Variants in SEMA6D observed in about 807,000 individuals in gnomAD.
SEMA6D encodes the protein semaphorin 6D.
Under a neutral mutation model 106.6 loss-of-function variants are expected in SEMA6D, and 35 were observed. The observed-to-expected ratio is 0.33, with a 90% CI of 0.25 to 0.44. The LOEUF is 0.44. SEMA6D is among the 20% of genes least tolerant of loss of function. SEMA6D has a pLI of 1.00. For missense variants in SEMA6D, 1,185 were observed against 1,345.9 expected (o/e 0.88, Z 1.87); for synonymous variants, 499 against 487.7 (o/e 1.02, Z -0.31).
intron 2 of SEMA6D, among the ~76,000 whole-genome samples, chr15:47,431,135 A>C (rs368857755): frequency 2.0e-5 from 3 of 152,136 alleles, no homozygotes; most frequent in African/African-American, 7.2e-5. Flanking sequence ...CATGAAAACT[A>C]TTGGGCTCAT....
At chr15:47,460,120 T>C (rs74011456) in intron 2 of SEMA6D, among the ~76,000 whole-genome samples, 4,822 of 152,134 alleles carry the variant, frequency 0.032, 164 homozygotes, top group East Asian at 0.15. Context: ...ATCCCACCAC[T>C]GTGTCTCTTC....
intron 3 of SEMA6D, among the ~76,000 whole-genome samples, chr15:47,471,122 T>C (rs2042822875): frequency 6.6e-6 from 1 of 152,132 alleles, no homozygotes; most frequent in African/African-American, 2.4e-5. Context: ...GTGGCTGCTG[T>C]TCCTCATGAA....
chr15:47,481,879 G>C (rs1386157263), intron 3 of SEMA6D, among the ~76,000 whole-genome samples: 3 of 152,160 alleles, frequency 2.0e-5, no homozygotes, highest in Non-Finnish European at 1.5e-5. Flanking sequence ...GCTGGATAGA[G>C]TGGAACTGTG....
At chr15:47,767,234 A>C in intron 17 of SEMA6D, 141 bp downstream of exon 17, 5 of 555,464 alleles carry the variant, frequency 9.0e-6, no homozygotes, top group Non-Finnish European at 9.6e-6. Flanking sequence ...TGATGGTACC[A>C]AAAGACTTTT....
intron 1 of SEMA6D, among the ~76,000 whole-genome samples, chr15:47,392,736 T>A (rs1270924998): frequency 1.3e-5 from 2 of 152,178 alleles, no homozygotes; most frequent in Admixed American, 6.5e-5. Context: ...TTTGTGATAA[T>A]TTTTTATGGC....
chr15:47,501,835 T>G (rs771258324), intron 3 of SEMA6D, among the ~76,000 whole-genome samples: 4 of 151,604 alleles, frequency 2.6e-5, no homozygotes, highest in Non-Finnish European at 4.4e-5. Context: ...TGGTACCACC[T>G]ACTGGCTGGA....
At chr15:47,500,697 T>G (rs1271557831) in intron 3 of SEMA6D, among the ~76,000 whole-genome samples, 2 of 152,286 alleles carry the variant, frequency 1.3e-5, no homozygotes, top group Non-Finnish European at 2.9e-5. Context: ...ATCCATACTT[T>G]GATAATTTGT....
At chr15:47,351,763 C>T (rs984539010) in intron 1 of SEMA6D, among the ~76,000 whole-genome samples, 1 of 152,102 alleles carries the variant, frequency 6.6e-6, no homozygotes, top group East Asian at 1.9e-4. Context: ...CAAATCAGTG[C>T]CTCACACAAA....
At chr15:47,363,648 GTGACAA>G (rs1398401858) in intron 1 of SEMA6D, among the ~76,000 whole-genome samples, 2 of 152,172 alleles carry the variant, frequency 1.3e-5, no homozygotes, top group Non-Finnish European at 2.9e-5. Context: ...CATTGTGCCA[GTGACAA>G]GGGCAAGGTA....
intron 1 of SEMA6D, among the ~76,000 whole-genome samples, chr15:47,194,127 G>GTGGATGGA (rs1894171269): frequency 6.6e-6 from 1 of 151,780 alleles, no homozygotes. Context: ...GGGTGGATGG[G>GTGGATGGA]TGGATGGATG....
Position 47,761,691 on chromosome 15 carries a change from A to G in SEMA6D, c.478A>G (p.Ile160Val), listed in dbSNP as rs544873011. 40 of 1,613,360 alleles carry G rather than the reference A, an allele frequency of 2.5e-5. No homozygotes were observed. Among genetic ancestry groups the G allele is most frequent in the African/African-American group, 5.3e-5 (4 of 74,892 alleles). ...TACCTTAGAATATGATGGGGAAGAAATTAGTGGCCTGGCAAGATGCCCATT... is the reference window on the plus strand; with the variant it reads ...TACCTTAGAATATGATGGGGAAGAAGTTAGTGGCCTGGCAAGATGCCCATT... ...LSTLEYDGEE[I>V]SGLARCPFDA... The change falls in exon 7 of 19, where the codon ATT becomes GTT. Residue 160 changes from isoleucine (I) to valine (V), a missense_variant. Physicochemically the swap from Ile to Val is conservative, Grantham distance 29. This residue lies in a region of SEMA6D where 291 missense variants were observed against 423.8 expected (regional missense o/e 0.69). Transcript: ENST00000536845.
chr15:47,272,459 TACA>T (rs966914394), intron 1 of SEMA6D: 1 of 152,186 alleles, frequency 6.6e-6, no homozygotes, highest in African/African-American at 2.4e-5. Flanking sequence ...TGCATTGTAG[TACA>T]ACACTTCTCT....
rs548118401 is a variant in SEMA6D at position 47,507,769 on chromosome 15, A to G, written c.-87+37224A>G. 5.5e-4 allele frequency among the ~76,000 whole-genome samples: 84 copies of G among 152,326 alleles called. 1 individual carries two copies. The highest frequency in any genetic ancestry group is 5.9e-5 in the Non-Finnish European group (4 of 68,024). Reference sequence around the variant, plus strand: ...ACTACCAGGCATACGTACATTTAGAATTAGACATTTAAATAAATTCAGGCC... The same window carrying G: ...ACTACCAGGCATACGTACATTTAGAGTTAGACATTTAAATAAATTCAGGCC... On this transcript the variant is annotated intron_variant, in intron 3 of 19. Transcript: ENST00000558014.
intron 1 of SEMA6D, among the ~76,000 whole-genome samples, chr15:47,234,013 T>C (rs1411610813): frequency 6.6e-6 from 1 of 152,022 alleles, no homozygotes; most frequent in Non-Finnish European, 1.5e-5. Context: ...AGGGAAAGTT[T>C]CCAGGCCTAT....
chr15:47,330,517 G>C (rs1450245698), intron 1 of SEMA6D, among the ~76,000 whole-genome samples: 1 of 152,186 alleles, frequency 6.6e-6, no homozygotes, highest in African/African-American at 2.4e-5. Context: ...TGGCTGAGGA[G>C]CTTGTCAGGG....
At chr15:47,378,790 A>C (rs2039538854) in intron 1 of SEMA6D, among the ~76,000 whole-genome samples, 1 of 152,184 alleles carries the variant, frequency 6.6e-6, no homozygotes, top group Non-Finnish European at 1.5e-5. Context: ...CTCTGTTCTG[A>C]TATCACACAA....
rs534539936 is a variant in SEMA6D at position 47,497,104 on chromosome 15, T to C, written c.-87+26559T>C. On this transcript the variant is annotated intron_variant, in intron 3 of 19. Transcript: ENST00000558014. ...ATCCTATAATTTTCTGTGTTCTGTC[T>C]TGTGAGGTATCATTCTTTTGTCATC... 3.9e-4 allele frequency among the ~76,000 whole-genome samples: 59 copies of C among 152,192 alleles called. No homozygotes were observed. The East Asian group carries it at 9.7e-3, about 25-fold the overall frequency.
intron 1 of SEMA6D, chr15:47,359,625 A>G (rs1329803040): frequency 6.6e-6 from 1 of 152,160 alleles, no homozygotes; most frequent in African/African-American, 2.4e-5. Context: ...TCAGATACCA[A>G]CTAAAATAAT....
chr15:47,715,939 C>G (rs2079103116), upstream of SEMA6D, among the ~76,000 whole-genome samples: 1 of 152,166 alleles, frequency 6.6e-6, no homozygotes, highest in Admixed American at 6.5e-5. Flanking sequence ...GGGCTTGCTC[C>G]CTTGATGGAG....
Sources: allele counts gnomAD v4.1 joint callset (sites outside exome capture counted in the v4.1 genomes callset), GRCh38; gene constraint gnomAD v4.1.1; regional missense constraint gnomAD v4.1.1; transcripts MANE v1.5; gene names NCBI Gene and HGNC (gene_info 2026-07-23, HGNC 2026-07-21).